The following DLGAP2 variants were observed in gnomAD, a reference collection of about 807,000 sequenced individuals.
DLGAP2 encodes the protein DLG associated protein 2.
A neutral mutation model predicts 100.3 loss-of-function variants in DLGAP2; 26 were observed. The observed-to-expected ratio is 0.26, with a 90% CI of 0.19 to 0.36. The LOEUF (loss-of-function observed/expected upper bound fraction) is 0.36, where lower values mean the gene tolerates loss of function less well. DLGAP2 is among the 10% of genes least tolerant of loss of function. DLGAP2 has a pLI of 1.00. For missense variants in DLGAP2, 1,858 were observed against 1,453.2 expected (o/e 1.28, Z -4.53); for synonymous variants, 886 against 630.1 (o/e 1.41, Z -6.08).
intron 3 of DLGAP2, among the ~76,000 whole-genome samples, chr8:1,298,817 G>A (rs770209493): frequency 2.6e-5 from 4 of 152,210 alleles, no homozygotes; most frequent in Non-Finnish European, 5.9e-5. Context: ...AACGCTGGCC[G>A]TGGCAGCTCA....
chr8:974,497 G>A (rs778094277), intron 2 of DLGAP2, among the ~76,000 whole-genome samples: 1 of 152,086 alleles, frequency 6.6e-6, no homozygotes, highest in Non-Finnish European at 1.5e-5. Flanking sequence ...TATATTCTGG[G>A]CTATAAAACA....
At chr8:908,304 C>T (rs564950546) in intron 2 of DLGAP2, among the ~76,000 whole-genome samples, 1 of 152,148 alleles carries the variant, frequency 6.6e-6, no homozygotes, top group Non-Finnish European at 1.5e-5. Context: ...TACTTATTTA[C>T]TAAAGAAAAT....
At chr8:1,526,253 C>T (rs1800788912) in intron 4 of DLGAP2, among the ~76,000 whole-genome samples, 1 of 151,780 alleles carries the variant, frequency 6.6e-6, no homozygotes, top group African/African-American at 2.4e-5. Context: ...TGTGTTTTTA[C>T]ACTCACGGGT....
chr8:940,575 G>A (rs1301328867), intron 2 of DLGAP2, among the ~76,000 whole-genome samples: 2 of 152,126 alleles, frequency 1.3e-5, no homozygotes, highest in Admixed American at 6.5e-5. Context: ...GGGTCACTTT[G>A]AATTCAGGGC....
rs1799640321 is a variant in DLGAP2, at chr8:1,703,988, TGTTACATAATCAAGTGCAATATACTCA to T, written c.*2586_*2612del. The T allele has an allele frequency of 6.6e-6, 1 of 152,606 alleles. No homozygotes were observed. Among genetic ancestry groups the T allele is most frequent in the South Asian group, 2.1e-4 (1 of 4,820 alleles). 9.5% of individuals were successfully genotyped at this position (152,606 alleles called of 1,614,324 possible). A position where few individuals can be genotyped will look rare whatever the true frequency, so the allele number is the denominator to read the frequency against. On this transcript the variant is annotated 3_prime_UTR_variant, in exon 15 of 15. Transcript: ENST00000637795. The stretch of plus-strand genomic sequence containing the variant: ...GACCTGATGGAATGTTACCTGTCCG[TGTTACATAATCAAGTGCAATATACTCA>T]GTTCTCATGCAGGTGACATTCTACC...
At position 1,054,227 on chromosome 8, in the gene DLGAP2, CAT is replaced by C. The variant is rs1472026998; in HGVS notation, c.73+146262_73+146263del. Reference sequence around the variant, plus strand: ...ACAGATCCACACGCATGCGCACACACATGTATGCACATGTACACACACGTACA... The same window carrying C: ...ACAGATCCACACGCATGCGCACACACGTATGCACATGTACACACACGTACA... On this transcript the variant is annotated intron_variant, in intron 2 of 14. Coordinates refer to ENST00000637795, the MANE Select transcript of DLGAP2 (RefSeq NM_001346810.2). Among the ~76,000 whole-genome samples the C allele has an allele frequency of 5.9e-5, 9 of 152,216 alleles. No homozygotes were observed. In the East Asian group the frequency reaches 9.7e-4, roughly 16 times the overall value.
intron 3 of DLGAP2, among the ~76,000 whole-genome samples, chr8:1,412,944 C>T (rs1188203253): frequency 1.3e-5 from 2 of 152,260 alleles, no homozygotes; most frequent in Admixed American, 6.5e-5. Context: ...CCTTCAATAC[C>T]CAGCTCAAGT....
intron 1 of DLGAP2, among the ~76,000 whole-genome samples, chr8:782,651 A>G (rs1410389513): frequency 6.6e-6 from 1 of 152,206 alleles, no homozygotes; most frequent in African/African-American, 2.4e-5. Flanking sequence ...TTTATGTGTC[A>G]AGGCAGTTGA....
chr8:767,404 GC>G (rs1189968596), intron 1 of DLGAP2, among the ~76,000 whole-genome samples: 2 of 143,596 alleles, frequency 1.4e-5, no homozygotes, highest in Non-Finnish European at 3.0e-5. Context: ...ATTCTGGAGT[GC>G]AATGGTGCCA....
At chr8:1,640,786 G>C (rs987773585) in intron 8 of DLGAP2, among the ~76,000 whole-genome samples, 1 of 152,174 alleles carries the variant, frequency 6.6e-6, no homozygotes, top group Non-Finnish European at 1.5e-5. Context: ...CCCGCATCTA[G>C]ACTTGTGTTT....
At chr8:1,028,003 G>GTC (rs1801859453) in intron 2 of DLGAP2, among the ~76,000 whole-genome samples, 1 of 144,486 alleles carries the variant, frequency 6.9e-6, no homozygotes. Flanking sequence ...TATTCTCCAG[G>GTC]AGCAGTGCCA....
intron 2 of DLGAP2, among the ~76,000 whole-genome samples, chr8:1,004,630 C>T (rs562106902): frequency 1.3e-5 from 2 of 152,294 alleles, no homozygotes; most frequent in East Asian, 1.9e-4. Flanking sequence ...CACACTGAGC[C>T]TCTGGCTCAG....
At chr8:1,111,870 C>T (rs1278931164) in intron 2 of DLGAP2, among the ~76,000 whole-genome samples, 8 of 152,098 alleles carry the variant, frequency 5.3e-5, no homozygotes, top group Admixed American at 1.3e-4. Context: ...TGAGCATTCA[C>T]GTGCATGTGT....
At chr8:745,119 T>C (rs1038312279) in intron 1 of DLGAP2, among the ~76,000 whole-genome samples, 7 of 152,258 alleles carry the variant, frequency 4.6e-5, no homozygotes, top group Non-Finnish European at 1.0e-4. Context: ...TTGTGGGTGC[T>C]GGAGACAAGC....
chr8:786,526 G>A (rs1376554804), intron 1 of DLGAP2, among the ~76,000 whole-genome samples: 2 of 152,194 alleles, frequency 1.3e-5, no homozygotes, highest in East Asian at 1.9e-4. Context: ...CAGCCTTGCT[G>A]TACACAAAGG....
intron 6 of DLGAP2, among the ~76,000 whole-genome samples, chr8:1,626,098 G>A (rs35486019): frequency 0.33 from 26,500 of 79,574 alleles, 3,637 homozygotes; most frequent in South Asian, 0.41. Context: ...CAGCCTCTGG[G>A]TGTGGGTTGG....
At chr8:1,327,031 A>G (rs181859912) in intron 3 of DLGAP2, among the ~76,000 whole-genome samples, 55 of 152,362 alleles carry the variant, frequency 3.6e-4, no homozygotes, top group South Asian at 8.3e-4. Flanking sequence ...ATTCTGAAGC[A>G]AATGTTTCCA....
In DLGAP2 at chr8:1,420,204, G is replaced by C. The variant is rs567678583; in HGVS notation, c.107-81162G>C. 1.0e-3 allele frequency among the ~76,000 whole-genome samples: 155 copies of C among 152,282 alleles called. 1 individual carries two copies. The highest frequency in any genetic ancestry group is 3.5e-3 in the African/African-American group (147 of 41,572). On this transcript the variant is annotated intron_variant, in intron 3 of 14. Transcript: ENST00000637795. The stretch of plus-strand genomic sequence containing the variant: ...TTATCCTGAGGCTCTCCAGGGTCCA[G>C]CTTGAGTCTCTGCATCAGCGTAAAC...
In DLGAP2 at chr8:808,676, G is replaced by C. The variant is rs543203898; in HGVS notation, c.18+70851G>C. 2.6e-5 allele frequency among the ~76,000 whole-genome samples: 4 copies of C among 152,304 alleles called. No homozygotes were observed. The South Asian group carries it at 8.3e-4, about 32-fold the overall frequency. On this transcript the variant is annotated intron_variant, in intron 1 of 14. Transcript: ENST00000637795. Reference sequence around the variant, plus strand: ...CACCCAGGGTGGACGGTAGTGCTGAGGGGCAGTGCTGCTTTGTGGCACAGG... The same window carrying C: ...CACCCAGGGTGGACGGTAGTGCTGACGGGCAGTGCTGCTTTGTGGCACAGG...
Sources: gnomAD v4.1 joint callset for allele counts (sites outside exome capture counted in the v4.1 genomes callset) on GRCh38, gnomAD v4.1.1 for gene constraint, MANE v1.5 for transcripts, NCBI Gene and HGNC (gene_info 2026-07-23, HGNC 2026-07-21) for gene names.